Variants in SLC10A7 observed in about 807,000 individuals in gnomAD.
SLC10A7 encodes solute carrier family 10 member 7, also known as sodium/bile acid cotransporter 7.
In SLC10A7, 29 loss-of-function variants were observed where a neutral mutation model predicts 43.2. The ratio of observed to expected loss-of-function variants is 0.67; its 90% CI spans 0.50 to 0.92. The LOEUF is 0.92. Ranked by LOEUF, SLC10A7 falls within the 40% of genes least tolerant of loss-of-function variation. The probability of loss-of-function intolerance (pLI) is 0.00; values close to 1 mark genes in which losing one functional copy is unlikely to be tolerated. For synonymous variants in SLC10A7, 152 were observed against 144.8 expected (o/e 1.05, Z -0.35); for missense variants, 295 against 403.2 (o/e 0.73, Z 2.30).
chr4:146,324,117 G>C (rs1232092621), intron 6 of SLC10A7, among the ~76,000 whole-genome samples: 2 of 151,994 alleles, frequency 1.3e-5, no homozygotes, highest in Admixed American at 6.6e-5. Context: ...AACTTACAAG[G>C]GATATGAAGG....
chr4:146,374,240 A>G (rs1736999194), intron 5 of SLC10A7, among the ~76,000 whole-genome samples: 1 of 152,330 alleles, frequency 6.6e-6, no homozygotes, highest in South Asian at 2.1e-4. Flanking sequence ...GATCTAGCAC[A>G]GGGCCTATTA....
At chr4:146,440,091 T>C (rs147619261) in intron 5 of SLC10A7, among the ~76,000 whole-genome samples, 14 of 152,262 alleles carry the variant, frequency 9.2e-5, no homozygotes, top group African/African-American at 3.1e-4. Flanking sequence ...TCTCGATATC[T>C]ATTTTCCTCT....
chr4:146,510,141 T>C, intron 2 of SLC10A7, 92 bp from the exon 3 acceptor site: 1 of 1,269,906 alleles, frequency 7.9e-7, no homozygotes, highest in Non-Finnish European at 1.1e-6. Flanking sequence ...GAGTTAGTTC[T>C]TAATTTTGGG....
chr4:146,345,120 G>A (rs564705643), intron 5 of SLC10A7, among the ~76,000 whole-genome samples: 1 of 152,264 alleles, frequency 6.6e-6, no homozygotes, highest in East Asian at 1.9e-4. Context: ...TGAGGCAAGA[G>A]GTACTTTTAT....
chr4:146,433,247 T>C (rs1579174424), intron 5 of SLC10A7, among the ~76,000 whole-genome samples: 2 of 147,260 alleles, frequency 1.4e-5, no homozygotes, highest in East Asian at 2.1e-4. Context: ...CTGCAACCTC[T>C]GCCTCCTGGG....
chr4:146,500,591 A>C (rs1415493903), intron 4 of SLC10A7, among the ~76,000 whole-genome samples: 1 of 152,028 alleles, frequency 6.6e-6, no homozygotes, highest in African/African-American at 2.4e-5. Flanking sequence ...TTACTCCAGC[A>C]TACACACTCT....
chr4:146,288,983 T>G (rs1389005024), intron 9 of SLC10A7, among the ~76,000 whole-genome samples: 2 of 152,212 alleles, frequency 1.3e-5, no homozygotes, highest in Non-Finnish European at 2.9e-5. Flanking sequence ...TGTCAGGTTT[T>G]ACTAGTAGAA....
chr4:146,381,362 C>A (rs1737610258), intron 5 of SLC10A7, among the ~76,000 whole-genome samples: 1 of 152,126 alleles, frequency 6.6e-6, no homozygotes, highest in Non-Finnish European at 1.5e-5. Flanking sequence ...ACCCTCCCCT[C>A]ACCCCCAGAA....
intron 5 of SLC10A7, among the ~76,000 whole-genome samples, chr4:146,334,488 AAC>A (rs1334654090): frequency 6.6e-6 from 1 of 151,996 alleles, no homozygotes; most frequent in East Asian, 1.9e-4. Flanking sequence ...GGAGGAGAGA[AAC>A]AACAGCAGCA....
At chr4:146,435,634 A>C (rs1730150294) in intron 5 of SLC10A7, among the ~76,000 whole-genome samples, 1 of 152,276 alleles carries the variant, frequency 6.6e-6, no homozygotes, top group South Asian at 2.1e-4. Context: ...TAACCATACA[A>C]AATTTTTAGT....
chr4:146,504,093 C>T (rs1026036672), intron 3 of SLC10A7, among the ~76,000 whole-genome samples, 169 bp from the exon 4 acceptor site: 1 of 152,180 alleles, frequency 6.6e-6, no homozygotes, highest in Non-Finnish European at 1.5e-5. Flanking sequence ...GTGGCTTACA[C>T]GGTGCTGCAA....
intron 5 of SLC10A7, among the ~76,000 whole-genome samples, chr4:146,430,740 A>C (rs1729720996): frequency 6.6e-6 from 1 of 152,196 alleles, no homozygotes; most frequent in South Asian, 2.1e-4. Flanking sequence ...GGACACATAG[A>C]ATATGAATCA....
intron 7 of SLC10A7, among the ~76,000 whole-genome samples, chr4:146,298,110 A>C (rs1267875824): frequency 1.3e-5 from 2 of 152,166 alleles, no homozygotes; most frequent in Admixed American, 1.3e-4. Flanking sequence ...TCCTGGCCCC[A>C]ATCCTTACTT....
intron 5 of SLC10A7, among the ~76,000 whole-genome samples, chr4:146,379,953 CTCTCTCTGTGTGTGTG>C (rs796556925): frequency 0.021 from 3,164 of 151,216 alleles, 97 homozygotes; most frequent in African/African-American, 0.073. Context: ...CTCTCTCTCT[CTCTCTCTGTGTGTGTG>C]TGTGTGTGTG....
chr4:146,320,869 T>G (rs1732661177), intron 6 of SLC10A7, among the ~76,000 whole-genome samples: 1 of 151,914 alleles, frequency 6.6e-6, no homozygotes, highest in Non-Finnish European at 1.5e-5. Context: ...GCATGGGAAA[T>G]GATCTGGAAT....
chr4:146,393,462 T>C (rs1369171492), intron 5 of SLC10A7, among the ~76,000 whole-genome samples: 1 of 152,194 alleles, frequency 6.6e-6, no homozygotes, highest in African/African-American at 2.4e-5. Context: ...CTTTACACTC[T>C]GGTTAACAAC....
chr4:146,355,681 C>A (rs1369358279), intron 5 of SLC10A7, among the ~76,000 whole-genome samples: 8 of 151,826 alleles, frequency 5.3e-5, no homozygotes, highest in Non-Finnish European at 1.0e-4. Context: ...AAATGTGGCA[C>A]ATATACACCA....
intron 5 of SLC10A7, among the ~76,000 whole-genome samples, chr4:146,347,689 C>T (rs912238916): frequency 6.6e-6 from 1 of 152,034 alleles, no homozygotes; most frequent in African/African-American, 2.4e-5. Context: ...GACTAAAAAC[C>T]CTCACTGTAT....
rs536136195 is a variant in SLC10A7 at position 146,274,007 on chromosome 4, C to T, written c.847+9185G>A. ...TGTTGTAAGAGTTTTAAAAAAATCA[C>T]CTAGGTCCCCTTTCATAAAGGGATT... On this transcript the variant is annotated intron_variant, in intron 10 of 11. Transcript: ENST00000335472. Among the ~76,000 whole-genome samples the T allele has an allele frequency of 3.9e-5, 6 of 152,130 alleles. No individual in the cohort carries two copies. In the South Asian group the frequency reaches 1.0e-3, roughly 26 times the overall value.
Sources: gnomAD v4.1 joint callset for allele counts (sites outside exome capture counted in the v4.1 genomes callset) on GRCh38, gnomAD v4.1.1 for gene constraint, MANE v1.5 for transcripts, NCBI Gene and HGNC (gene_info 2026-07-23, HGNC 2026-07-21) for gene names.